Variants in CPA4 observed in about 807,000 individuals in gnomAD.
CPA4 encodes the protein carboxypeptidase A4.
CPA4 carries 49 observed loss-of-function variants against 54.7 expected under a neutral mutation model. That is an observed-to-expected ratio of 0.90 (90% confidence interval 0.71 to 1.14). The LOEUF (loss-of-function observed/expected upper bound fraction) is 1.14. Among genes scored for constraint, CPA4 ranks in the 50% most tolerant of loss-of-function variants. CPA4 has a pLI of 0.00. For missense variants in CPA4, 487 were observed against 525.1 expected (o/e 0.93, Z 0.71); for synonymous variants, 215 against 206.8 (o/e 1.04, Z -0.34).
In CPA4 at chr7:130,310,795, G is replaced by A; in HGVS notation, c.802G>A (p.Ala268Thr). ...NWNASFAGKG[A>T]SDNPCSEVYH... ...TGGGCTATCCCCAACAGGAAAGGGA[G>A]CCAGCGACAACCCTTGCTCCGAAGT... The change falls in exon 9 of 11, where the codon GCC becomes ACC. Residue 268 changes from alanine (A) to threonine (T), a missense_variant. Physicochemically the swap from Ala to Thr is moderately conservative, Grantham distance 58 (BLOSUM62 0). Coordinates refer to ENST00000222482, the MANE Select transcript of CPA4 (RefSeq NM_016352.4). This position sits in a 1 kb window ranked among gnomAD's most constrained non-coding sequence, Gnocchi z 4.3. 1.9e-6 allele frequency: 3 copies of A among 1,614,090 alleles called. No individual in the cohort carries two copies. The highest frequency in any genetic ancestry group is 1.7e-6 in the Non-Finnish European group (2 of 1,179,914).
chr7:130,307,256 A>T (rs1328825900), intron 7 of CPA4, among the ~76,000 whole-genome samples: 7 of 151,760 alleles, frequency 4.6e-5, no homozygotes, highest in Non-Finnish European at 7.4e-5. Context: ...AAAAAAATTA[A>T]AAAACCCTAT....
At position 130,322,739 on chromosome 7, in the gene CPA4, T is replaced by C; in HGVS notation, c.*63T>C. The C allele has an allele frequency of 6.7e-7, 1 of 1,502,398 alleles. No individual in the cohort carries two copies. Among genetic ancestry groups the C allele is most frequent in the South Asian group, 1.3e-5 (1 of 78,458 alleles). 93.1% of individuals were successfully genotyped at this position (1,502,398 alleles called of 1,614,324 possible). The stretch of plus-strand genomic sequence containing the variant: ...CACGTGCACGCACTGAGGCCATTGT[T>C]AAAGGAGCTCTTTCCTACCTGTGTG... On this transcript the variant is annotated 3_prime_UTR_variant, in exon 11 of 11. Transcript: ENST00000222482.
chr7:130,311,268 C>T (rs729167), intron 9 of CPA4, among the ~76,000 whole-genome samples: 40,592 of 152,092 alleles, frequency 0.27, 5,698 homozygotes, highest in South Asian at 0.35. Context: ...GGACCCACTG[C>T]TTGCCAAGGA....
chr7:130,297,308 G>A (rs576390963), intron 1 of CPA4, among the ~76,000 whole-genome samples: 1 of 152,222 alleles, frequency 6.6e-6, no homozygotes, highest in Non-Finnish European at 1.5e-5. Context: ...CGAGGTCAGG[G>A]AACGATCAGG....
intron 10 of CPA4, among the ~76,000 whole-genome samples, chr7:130,321,351 C>G (rs1483740522): frequency 6.6e-6 from 1 of 152,106 alleles, no homozygotes; most frequent in East Asian, 1.9e-4. Flanking sequence ...TTCTCCGTAT[C>G]CATTATCTCT....
intron 1 of CPA4, among the ~76,000 whole-genome samples, chr7:130,298,145 G>A (rs530483445): frequency 2.0e-5 from 3 of 152,260 alleles, no homozygotes; most frequent in South Asian, 2.1e-4. Flanking sequence ...GGGACTGAGC[G>A]AGCACCCAGC....
At chr7:130,298,136 G>A (rs1793679288) in intron 1 of CPA4, among the ~76,000 whole-genome samples, 1 of 152,114 alleles carries the variant, frequency 6.6e-6, no homozygotes. Flanking sequence ...GAGCTGGAAG[G>A]GACTGAGCGA....
intron 7 of CPA4, chr7:130,308,029 A>G (rs1793851854): frequency 2.3e-6 from 1 of 427,510 alleles, no homozygotes; most frequent in Non-Finnish European, 4.3e-6. Context: ...TGCCAAAGCC[A>G]AAAATTATTC....
intron 1 of CPA4, among the ~76,000 whole-genome samples, chr7:130,298,325 A>C (rs1793683044): frequency 1.3e-5 from 2 of 152,172 alleles, no homozygotes; most frequent in African/African-American, 2.4e-5. Flanking sequence ...CTTCCTGTAA[A>C]ATATATGTGT....
At chr7:130,312,963 C>T (rs1371046520) in intron 10 of CPA4, among the ~76,000 whole-genome samples, 1 of 152,142 alleles carries the variant, frequency 6.6e-6, no homozygotes, top group Non-Finnish European at 1.5e-5. Context: ...GTCACGCTGA[C>T]ATTACCCACT....
At chr7:130,319,368 G>A (rs1027505978) in intron 10 of CPA4, among the ~76,000 whole-genome samples, 5 of 152,146 alleles carry the variant, frequency 3.3e-5, no homozygotes, top group East Asian at 1.9e-4. Flanking sequence ...ATGTTGGTGC[G>A]TTACCCATCA....
rs552990342 is a variant in CPA4, at chr7:130,311,588, TCTC to T, written c.994-442_994-440del. Reference sequence around the variant, plus strand: ...GGGATCATCCACCTATGGCGGTCCTTCTCCTCCTCCACTCTGCAACACCCAACT... The same window carrying T: ...GGGATCATCCACCTATGGCGGTCCTTCTCCTCCACTCTGCAACACCCAACT... On this transcript the variant is annotated intron_variant, in intron 9 of 10. Transcript: ENST00000222482. Among the ~76,000 whole-genome samples the T allele has an allele frequency of 2.3e-3, 352 of 151,508 alleles. 4 individuals carry two copies. The highest frequency in any genetic ancestry group is 7.9e-3 in the African/African-American group (327 of 41,280).
Position 130,322,940 on chromosome 7 carries a change from G to T in CPA4, c.*264G>T. 1 of 375,680 alleles carries T rather than the reference G, an allele frequency of 2.7e-6. No homozygotes were observed. The highest frequency in any genetic ancestry group is 4.8e-6 in the Non-Finnish European group (1 of 208,694). The allele number at this position is 375,680 out of a possible 1,614,324, so 23.3% of individuals were successfully genotyped here. On this transcript the variant is annotated 3_prime_UTR_variant, in exon 11 of 11. Coordinates refer to ENST00000222482, the MANE Select transcript of CPA4 (RefSeq NM_016352.4). ...GTTTCTCCTTCCACCCTGCTGGCTG[G>T]GCGGCTGCACTCAGCATCACCCCTT...
intron 4 of CPA4, among the ~76,000 whole-genome samples, chr7:130,304,275 C>T (rs1584747826): frequency 6.6e-6 from 1 of 152,306 alleles, no homozygotes; most frequent in East Asian, 1.9e-4. Context: ...TGTGAACAAA[C>T]AAGTGTGCTA....
At chr7:130,307,629 C>CAAAAA (rs139677506) in intron 7 of CPA4, among the ~76,000 whole-genome samples, 3 of 127,204 alleles carry the variant, frequency 2.4e-5, no homozygotes, top group African/African-American at 3.1e-5. Context: ...GACTCCATCT[C>CAAAAA]AGAAAAAAAA....
intron 10 of CPA4, among the ~76,000 whole-genome samples, chr7:130,312,441 G>T (rs1793929833): frequency 6.6e-6 from 1 of 152,128 alleles, no homozygotes; most frequent in African/African-American, 2.4e-5. Flanking sequence ...ATTGAGCCTG[G>T]ACAACATAGC....
chr7:130,309,790 C>T (rs186425550), intron 8 of CPA4, among the ~76,000 whole-genome samples: 47 of 152,172 alleles, frequency 3.1e-4, no homozygotes, highest in Admixed American at 2.7e-3. Context: ...TGTTGAGACA[C>T]GGTCGTGCTC....
intron 3 of CPA4, 126 bp downstream of exon 3, chr7:130,299,530 C>CA: frequency 1.2e-6 from 1 of 835,346 alleles, no homozygotes; most frequent in East Asian, 2.7e-5. Flanking sequence ...GAAATGGAGG[C>CA]AAATGGAAGT....
intron 4 of CPA4, among the ~76,000 whole-genome samples, chr7:130,303,916 A>C (rs1274899628): frequency 6.6e-6 from 1 of 152,036 alleles, no homozygotes; most frequent in East Asian, 1.9e-4. Context: ...TGTTGGGATT[A>C]TAGGCATGAG....
Sources: gnomAD v4.1 joint callset for allele counts (sites outside exome capture counted in the v4.1 genomes callset) on GRCh38, gnomAD v4.1.1 for gene constraint, Gnocchi (gnomAD v3.1) non-coding constraint, MANE v1.5 for transcripts, NCBI Gene and HGNC (gene_info 2026-07-23, HGNC 2026-07-21) for gene names.